NEDD4L: variants seen among roughly 807,000 people sequenced by gnomAD.
NEDD4L encodes the protein E3 ubiquitin-protein ligase NEDD4-like.
NEDD4L carries 54 observed loss-of-function variants against 148.9 expected under a neutral mutation model. The ratio of observed to expected loss-of-function variants is 0.36; its 90% confidence interval spans 0.29 to 0.45. The LOEUF (loss-of-function observed/expected upper bound fraction) is 0.45. Among genes scored for constraint, NEDD4L ranks in the 20% least tolerant of loss-of-function variants. NEDD4L has a pLI of 1.00. For synonymous variants in NEDD4L, 433 were observed against 440.7 expected, an observed-to-expected ratio of 0.98 and a Z score of 0.22; for missense variants, 856 against 1,233.8, an observed-to-expected ratio of 0.69 and a Z score of 4.59.
intron 1 of NEDD4L, among the ~76,000 whole-genome samples, chr18:58,163,462 G>A (rs2036477694): frequency 6.6e-6 from 1 of 152,248 alleles, no homozygotes; most frequent in Non-Finnish European, 1.5e-5. Context: ...GGGAAGAGCA[G>A]CTAACCCCTG....
At chr18:58,189,010 C>T (rs1053033079) in intron 2 of NEDD4L, among the ~76,000 whole-genome samples, 4 of 152,056 alleles carry the variant, frequency 2.6e-5, no homozygotes, top group Non-Finnish European at 4.4e-5. Context: ...TCACCTGTCT[C>T]GGGGGCCCTC....
rs762109075 is a variant in NEDD4L, at chr18:58,145,904, TAA to T, written c.49-19881_49-19880del. On this transcript the variant is annotated intron_variant, in intron 1 of 30. Coordinates refer to ENST00000400345, the MANE Select transcript of NEDD4L (RefSeq NM_001144967.3). ...GGTGATTGAAAAATGTACATTTTTT[TAA>T]AATTGGCATTTATTAGTGAGCTTGA... Among the ~76,000 whole-genome samples the T allele has an allele frequency of 1.2e-4, 19 of 152,196 alleles. 1 individual carries two copies. The highest frequency in any genetic ancestry group is 6.2e-4 in the South Asian group (3 of 4,830).
intron 1 of NEDD4L, among the ~76,000 whole-genome samples, chr18:58,104,333 G>C (rs1244533175): frequency 6.6e-6 from 1 of 152,174 alleles, no homozygotes; most frequent in Non-Finnish European, 1.5e-5. Flanking sequence ...ATCGGGGCTG[G>C]GGCGCGGTAG....
At chr18:58,263,292 G>T (rs550296407) in intron 5 of NEDD4L, among the ~76,000 whole-genome samples, 64 of 152,278 alleles carry the variant, frequency 4.2e-4, no homozygotes, top group Admixed American at 1.4e-3. Flanking sequence ...TTTCCCCCAG[G>T]CAGATCAGCT....
At chr18:58,281,902 G>A (rs1045238413) in intron 5 of NEDD4L, among the ~76,000 whole-genome samples, 22 of 151,722 alleles carry the variant, frequency 1.5e-4, no homozygotes, top group Admixed American at 2.6e-4. Context: ...GCAGTCACCT[G>A]TAGTCCCAGC....
intron 5 of NEDD4L, among the ~76,000 whole-genome samples, chr18:58,281,186 C>T (rs962647399): frequency 2.0e-5 from 3 of 152,106 alleles, no homozygotes; most frequent in Non-Finnish European, 2.9e-5. Context: ...CTATGTTGCC[C>T]AAGCAGATCT....
intron 1 of NEDD4L, chr18:58,047,236 C>T: frequency 1.0e-6 from 1 of 984,882 alleles, no homozygotes; most frequent in Non-Finnish European, 1.2e-6. Flanking sequence ...ATTTTGACCG[C>T]TATTTAGAAG....
At chr18:58,077,556 T>C (rs2083235143) in intron 1 of NEDD4L, among the ~76,000 whole-genome samples, 3 of 152,186 alleles carry the variant, frequency 2.0e-5, no homozygotes, top group African/African-American at 7.2e-5. Context: ...TCTGGATCTT[T>C]TCCAGGGATT....
chr18:58,172,969 A>G (rs1277280432), intron 2 of NEDD4L, among the ~76,000 whole-genome samples: 1 of 152,164 alleles, frequency 6.6e-6, no homozygotes, highest in Non-Finnish European at 1.5e-5. Context: ...AGAGCTGGCC[A>G]TTGTATTTGA....
At chr18:58,342,302 T>C (rs931771302) in intron 15 of NEDD4L, among the ~76,000 whole-genome samples, 3 of 152,196 alleles carry the variant, frequency 2.0e-5, no homozygotes, top group Non-Finnish European at 4.4e-5. Flanking sequence ...CGTGTTTGTG[T>C]TGTTTTGGTG....
rs12962319 is a variant in NEDD4L, at chr18:58,256,241, G to T, written c.297+4187G>T. The T allele has an allele frequency of 8.1e-7, 1 of 1,229,698 alleles. No homozygotes were observed. Among genetic ancestry groups the T allele is most frequent in the Non-Finnish European group, 1.0e-6 (1 of 986,670 alleles). 76.2% of individuals were successfully genotyped at this position (1,229,698 alleles called of 1,614,324 possible). Reference sequence around the variant, plus strand: ...CCAGCACCGCGCCTCCAGCGCCGACGTGCGCCAGGTGAGGCTGCTGCCCCT... The same window carrying T: ...CCAGCACCGCGCCTCCAGCGCCGACTTGCGCCAGGTGAGGCTGCTGCCCCT... On this transcript the variant is annotated intron_variant, in intron 5 of 30. Transcript: ENST00000400345. The surrounding 1 kb of genome is among the most constrained non-coding windows in gnomAD (Gnocchi z 5.2).
At chr18:58,387,127 G>A (rs1262442064) in intron 26 of NEDD4L, among the ~76,000 whole-genome samples, 1 of 152,196 alleles carries the variant, frequency 6.6e-6, no homozygotes, top group Non-Finnish European at 1.5e-5. Flanking sequence ...TGCATCTTAG[G>A]ACGCACTGAC....
chr18:58,388,324 G>C (rs1404392354), intron 27 of NEDD4L: 1 of 152,190 alleles, frequency 6.6e-6, no homozygotes, highest in Admixed American at 6.5e-5. Flanking sequence ...GATGTCTATA[G>C]AAATCATATA....
chr18:58,149,735 T>C (rs1435117725), intron 1 of NEDD4L, among the ~76,000 whole-genome samples: 2 of 152,228 alleles, frequency 1.3e-5, no homozygotes, highest in Non-Finnish European at 1.5e-5. Flanking sequence ...AAGGATTTTG[T>C]TCAAACCTCA....
chr18:58,221,282 G>T (rs1324951243), intron 2 of NEDD4L, among the ~76,000 whole-genome samples: 2 of 152,034 alleles, frequency 1.3e-5, no homozygotes, highest in Admixed American at 6.6e-5. Context: ...AAACAGCCCC[G>T]CCAGACATAG....
chr18:58,381,877 G>A (rs949574196), intron 24 of NEDD4L, among the ~76,000 whole-genome samples: 1 of 152,092 alleles, frequency 6.6e-6, no homozygotes, highest in African/African-American at 2.4e-5. Flanking sequence ...TCCCCAACAC[G>A]GCCTGTACGG....
At chr18:58,369,667 C>T (rs1301916530) in intron 22 of NEDD4L, among the ~76,000 whole-genome samples, 1 of 152,114 alleles carries the variant, frequency 6.6e-6, no homozygotes, top group African/African-American at 2.4e-5. Context: ...GAAGCAGGAG[C>T]CTGGGGTGCC....
chr18:58,072,872 G>GCACACACACACACA (rs766485355), intron 1 of NEDD4L, among the ~76,000 whole-genome samples: 2 of 131,558 alleles, frequency 1.5e-5, no homozygotes, highest in Non-Finnish European at 3.2e-5. Flanking sequence ...GCGCGCGCGC[G>GCACACACACACACA]CACACACACA....
chr18:58,049,983 A>G (rs1450939995), intron 1 of NEDD4L, among the ~76,000 whole-genome samples: 2 of 124,872 alleles, frequency 1.6e-5, no homozygotes, highest in African/African-American at 7.4e-5. Flanking sequence ...CTCCAAAAAA[A>G]AAAAAAAAAA....
Sources: gnomAD v4.1 joint callset for allele counts (sites outside exome capture counted in the v4.1 genomes callset) on GRCh38, gnomAD v4.1.1 for gene constraint, Gnocchi (gnomAD v3.1) non-coding constraint, MANE v1.5 for transcripts, NCBI Gene and HGNC (gene_info 2026-07-23, HGNC 2026-07-21) for gene names.